Variants in NEGR1 observed in about 807,000 individuals in gnomAD.
NEGR1 encodes the protein neuronal growth regulator 1, also known as IgLON family member 4.
In NEGR1, 10 loss-of-function variants were observed where a neutral mutation model predicts 40.9. The ratio of observed to expected loss-of-function variants is 0.24; its 90% confidence interval spans 0.15 to 0.42. The LOEUF (loss-of-function observed/expected upper bound fraction) is 0.42, where lower values mean the gene tolerates loss of function less well. NEGR1 is among the 10% of genes least tolerant of loss of function. The pLI is 1.00. For synonymous variants in NEGR1, 185 were observed against 166.8 expected, an observed-to-expected ratio of 1.11 and a Z score of -0.84; for missense variants, 352 against 438.9, an observed-to-expected ratio of 0.80 and a Z score of 1.77.
At chr1:72,073,066 A>G (rs1647542359) in intron 1 of NEGR1, among the ~76,000 whole-genome samples, 1 of 152,148 alleles carries the variant, frequency 6.6e-6, no homozygotes, top group Non-Finnish European at 1.5e-5. Context: ...TATGTGAGGG[A>G]GGAAAAGGAT....
At chr1:71,424,952 T>C (rs564744706) in intron 6 of NEGR1, among the ~76,000 whole-genome samples, 5 of 152,338 alleles carry the variant, frequency 3.3e-5, no homozygotes, top group Admixed American at 2.0e-4. Flanking sequence ...TTCAGACTTA[T>C]AGACCTGAAA....
intron 3 of NEGR1, among the ~76,000 whole-genome samples, chr1:71,737,463 G>C (rs1223152854): frequency 2.0e-5 from 3 of 151,840 alleles, no homozygotes; most frequent in African/African-American, 4.8e-5. Flanking sequence ...AGCAACAAAG[G>C]AAAAAAGTAA....
At chr1:71,915,035 G>GT (rs1374136539) in intron 2 of NEGR1, among the ~76,000 whole-genome samples, 4 of 151,874 alleles carry the variant, frequency 2.6e-5, no homozygotes, top group Admixed American at 6.6e-5. Context: ...GAAACCAAAA[G>GT]TTTTTTCCAA....
At chr1:71,662,592 C>T (rs1314628911) in intron 4 of NEGR1, among the ~76,000 whole-genome samples, 2 of 152,044 alleles carry the variant, frequency 1.3e-5, no homozygotes, top group South Asian at 2.1e-4. Flanking sequence ...TGCATAATTA[C>T]CCTGTCCATC....
chr1:72,021,717 T>C (rs889597264), intron 1 of NEGR1, among the ~76,000 whole-genome samples: 2 of 152,230 alleles, frequency 1.3e-5, no homozygotes, highest in Admixed American at 1.3e-4. Context: ...AAAATTTCTA[T>C]GTAACTATTA....
At chr1:71,883,041 T>A (rs1660624293) in intron 2 of NEGR1, among the ~76,000 whole-genome samples, 1 of 152,128 alleles carries the variant, frequency 6.6e-6, no homozygotes, top group Admixed American at 6.6e-5. Flanking sequence ...TATATGTAAA[T>A]TTACAAAGTA....
rs12036329 is a variant in NEGR1 at position 71,530,494 on chromosome 1, A to C, written c.940+62323T>G. On this transcript the variant is annotated intron_variant, in intron 6 of 6. Coordinates refer to ENST00000357731, the MANE Select transcript of NEGR1 (RefSeq NM_173808.3). Reference sequence around the variant, plus strand: ...ATACTCTTTAAATCCTTGCCTAACCAAACTGTTCCCTGGAGGCCTTCAACA... The same window carrying C: ...ATACTCTTTAAATCCTTGCCTAACCCAACTGTTCCCTGGAGGCCTTCAACA... 1.7e-4 allele frequency among the ~76,000 whole-genome samples: 25 copies of C among 151,414 alleles called. No homozygotes were observed. The East Asian group carries it at 4.7e-3, about 28-fold the overall frequency.
chr1:71,546,588 CACA>C (rs1173562811), intron 6 of NEGR1, among the ~76,000 whole-genome samples: 3 of 151,552 alleles, frequency 2.0e-5, no homozygotes, highest in Non-Finnish European at 3.0e-5. Flanking sequence ...TTTTAATATT[CACA>C]ACAACTCAGA....
chr1:71,744,541 C>T (rs1655322391), intron 3 of NEGR1, among the ~76,000 whole-genome samples: 4 of 151,994 alleles, frequency 2.6e-5, no homozygotes, highest in East Asian at 1.9e-4. Flanking sequence ...GGCCTAGTAT[C>T]GTGTCTACTC....
At chr1:71,730,026 T>C (rs1654805732) in intron 3 of NEGR1, among the ~76,000 whole-genome samples, 1 of 152,086 alleles carries the variant, frequency 6.6e-6, no homozygotes, top group South Asian at 2.1e-4. Context: ...AAAATGACTG[T>C]TAAACCTGGT....
chr1:72,128,730 G>T (rs926594282), intron 1 of NEGR1, among the ~76,000 whole-genome samples: 1 of 151,868 alleles, frequency 6.6e-6, no homozygotes, highest in African/African-American at 2.4e-5. Context: ...CAAATATTTG[G>T]GTGCCCAATA....
chr1:71,697,252 T>C (rs1413932508), intron 4 of NEGR1, among the ~76,000 whole-genome samples: 1 of 151,882 alleles, frequency 6.6e-6, no homozygotes, highest in East Asian at 1.9e-4. Context: ...TTGGGTAAAA[T>C]ACAATTATCC....
chr1:71,659,412 G>C (rs1455094027), intron 4 of NEGR1, among the ~76,000 whole-genome samples: 1 of 152,158 alleles, frequency 6.6e-6, no homozygotes, highest in Admixed American at 6.6e-5. Context: ...ACTGGACATA[G>C]GGGTGGGCAA....
intron 3 of NEGR1, among the ~76,000 whole-genome samples, chr1:71,775,669 T>A (rs143938026): frequency 6.7e-6 from 1 of 150,314 alleles, no homozygotes; most frequent in East Asian, 2.1e-4. Context: ...TGAACTGCAA[T>A]GCCTTTAAGT....
intron 5 of NEGR1, among the ~76,000 whole-genome samples, chr1:71,601,332 G>C (rs569167212): frequency 1.3e-5 from 2 of 152,194 alleles, no homozygotes; most frequent in Non-Finnish European, 2.9e-5. Flanking sequence ...ATGTTGGTGT[G>C]GATGTGGAGA....
rs183497390 is a variant in NEGR1, at chr1:71,830,413, C to T, written c.410-54116G>A. 1.9e-3 allele frequency among the ~76,000 whole-genome samples: 287 copies of T among 151,544 alleles called. 1 individual carries two copies. Among genetic ancestry groups the T allele is most frequent in the African/African-American group, 6.5e-3 (267 of 41,376 alleles). On this transcript the variant is annotated intron_variant, in intron 2 of 6. Transcript: ENST00000357731. ...TTGTTACAAAAAAACCAGTCATAGGCAATATGTAAATTAATGGGAGTGGCT... is the reference window on the plus strand; with the variant it reads ...TTGTTACAAAAAAACCAGTCATAGGTAATATGTAAATTAATGGGAGTGGCT...
At chr1:72,114,451 A>T (rs886155976) in intron 1 of NEGR1, among the ~76,000 whole-genome samples, 2 of 151,752 alleles carry the variant, frequency 1.3e-5, no homozygotes, top group Non-Finnish European at 2.9e-5. Flanking sequence ...CTCTCATTTG[A>T]TAGATAGGAT....
chr1:71,878,246 T>A (rs1273408111), intron 2 of NEGR1, among the ~76,000 whole-genome samples: 1 of 152,194 alleles, frequency 6.6e-6, no homozygotes, highest in Non-Finnish European at 1.5e-5. Flanking sequence ...TTTGCTTCTC[T>A]CATGTAATTT....
At chr1:71,730,569 T>TATATATATATATATATATA (rs1553161610) in intron 3 of NEGR1, among the ~76,000 whole-genome samples, 7 of 134,708 alleles carry the variant, frequency 5.2e-5, no homozygotes, top group Non-Finnish European at 1.1e-4. Flanking sequence ...TAGTATAAAT[T>TATATATATATATATATATA]TATATATATA....
Sources: gnomAD v4.1 joint callset for allele counts (sites outside exome capture counted in the v4.1 genomes callset) on GRCh38, gnomAD v4.1.1 for gene constraint, MANE v1.5 for transcripts, NCBI Gene and HGNC (gene_info 2026-07-23, HGNC 2026-07-21) for gene names.